The following DDX3X variants were observed in gnomAD, a reference collection of about 807,000 sequenced individuals.
The protein encoded by DDX3X is ATP-dependent RNA helicase DDX3X.
In DDX3X, 4 loss-of-function variants were observed where a neutral mutation model predicts 52.7. That is an observed-to-expected ratio of 0.08 (90% CI 0.04 to 0.17). The LOEUF is 0.17. Among genes scored for constraint, DDX3X ranks in the 10% least tolerant of loss-of-function variants. The pLI is 1.00. For missense variants in DDX3X, 222 were observed against 548.6 expected (o/e 0.40, Z 5.95); for synonymous variants, 192 against 178.1 (o/e 1.08, Z -0.62).
upstream of DDX3X, chrX:41,334,105 C>A (rs1442500606): frequency 7.6e-6 from 4 of 525,629 alleles, no homozygotes; most frequent in Non-Finnish European, 1.3e-5. Context: ...GTTGTACGTG[C>A]TGACGTAGCC....
In DDX3X at chrX:41,343,196, C is replaced by A. The variant is rs373063765; in HGVS notation, c.544-20C>A. 88 of 1,199,201 alleles carry A rather than the reference C, an allele frequency of 7.3e-5. No individual in the cohort carries two copies. Among genetic ancestry groups the A allele is most frequent in the Middle Eastern group, 4.6e-4 (2 of 4,316 alleles). On this transcript the variant is annotated intron_variant, in intron 6 of 16. Coordinates refer to ENST00000644876, the MANE Select transcript of DDX3X (RefSeq NM_001356.5). Reference sequence around the variant, plus strand: ...AATAGCTCTAGATAGCATTCCTAACCCCATTGAATTTCTTAACAGTTCAGT... The same window carrying A: ...AATAGCTCTAGATAGCATTCCTAACACCATTGAATTTCTTAACAGTTCAGT...
chrX:41,359,516 G>T (rs1387934690), intron 5 of DDX3X, among the ~76,000 whole-genome samples: 1 of 102,928 alleles, frequency 9.7e-6, no homozygotes, highest in African/African-American at 3.6e-5. Context: ...AGAATTGCTT[G>T]AACCCAGGAG....
chrX:41,350,364 A>G (rs989425856), downstream of DDX3X: 1 of 112,441 alleles, frequency 8.9e-6, no homozygotes, highest in African/African-American at 3.2e-5. Flanking sequence ...AGTATTTGCA[A>G]TGAAAGATGA....
intron 5 of DDX3X, among the ~76,000 whole-genome samples, chrX:41,359,838 C>T (rs187702633): frequency 3.7e-5 from 4 of 108,236 alleles, no homozygotes; most frequent in South Asian, 4.0e-4. Flanking sequence ...AAAAATTAGC[C>T]GGGCGCGGTG....
At chrX:41,338,943 T>G (rs1327792912) in intron 2 of DDX3X, 93 bp from the exon 3 acceptor site, 4 of 329,500 alleles carry the variant, frequency 1.2e-5, no homozygotes, top group Non-Finnish European at 1.9e-5. Flanking sequence ...GCTGGAGATT[T>G]TAATTTCCCA....
At chrX:41,334,365 G>A (rs951754839) in intron 1 of DDX3X, 68 bp downstream of exon 1, 4 of 1,175,327 alleles carry the variant, frequency 3.4e-6, no homozygotes, top group Non-Finnish European at 4.6e-6. Context: ...CCTGGCTAAT[G>A]GCGCAGCGCT....
chrX:41,341,066 A>T (rs2063843180), intron 3 of DDX3X: 1 of 191,197 alleles, frequency 5.2e-6, no homozygotes, highest in African/African-American at 3.0e-5. Context: ...GCTCACTGCA[A>T]CCTCAGCCTC....
chrX:41,334,665 A>G (rs1241568608), intron 1 of DDX3X: 1 of 1,042,965 alleles, frequency 9.6e-7, no homozygotes, highest in South Asian at 2.0e-5. Flanking sequence ...ACGCGACTGG[A>G]GGCCCTTTTG....
chrX:41,343,868 G>A, intron 8 of DDX3X, 46 bp downstream of exon 8: 1 of 1,094,692 alleles, frequency 9.1e-7, no homozygotes, highest in Non-Finnish European at 1.3e-6. Context: ...CTTTGTAGGT[G>A]GCCATTGAGA....
At chrX:41,353,721 A>G (rs775161396), downstream of DDX3X, among the ~76,000 whole-genome samples, 1 of 107,756 alleles carries the variant, frequency 9.3e-6, no homozygotes, top group Admixed American at 1.0e-4. Flanking sequence ...TAGTGAGCCA[A>G]GTTTGTGCCA....
Position 41,343,181 on chromosome X carries a change from G to C in DDX3X, c.544-35G>C, listed in dbSNP as rs765444398. ...TTAGTATAAAACAGAAATAGCTCTA[G>C]ATAGCATTCCTAACCCCATTGAATT... On this transcript the variant is annotated intron_variant, in intron 6 of 16. Transcript: ENST00000644876. 5 of 1,189,312 alleles carry C rather than the reference G, an allele frequency of 4.2e-6. No homozygotes were observed. The South Asian group carries it at 9.4e-5, about 22-fold the overall frequency.
intron 6 of DDX3X, 124 bp downstream of exon 6, chrX:41,342,960 A>G (rs776842661): frequency 3.2e-6 from 2 of 630,678 alleles, no homozygotes; most frequent in Non-Finnish European, 4.9e-6. Flanking sequence ...GTGGAAAAGG[A>G]GAAGTTGAGT....
At chrX:41,354,873 C>G (rs920408487), downstream of DDX3X, among the ~76,000 whole-genome samples, 3 of 110,088 alleles carry the variant, frequency 2.7e-5, no homozygotes, top group Admixed American at 2.9e-4. Context: ...CACTCTGTTG[C>G]CCAGGCTGGA....
chrX:41,340,061 A>G (rs891941531), intron 3 of DDX3X: 6 of 110,288 alleles, frequency 5.4e-5, no homozygotes, highest in African/African-American at 1.7e-4. Flanking sequence ...GGCATGTGCC[A>G]CCATGCCCGG....
downstream of DDX3X, among the ~76,000 whole-genome samples, chrX:41,352,187 C>A (rs1273432278): frequency 1.8e-5 from 2 of 111,521 alleles, no homozygotes; most frequent in African/African-American, 6.5e-5. Context: ...TTCCTCCCCC[C>A]TCTTCAAAGG....
chrX:41,342,818 T>C lies in DDX3X; in HGVS notation c.525T>C (p.Cys175=), dbSNP rs61755357. Residue 175 remains cysteine, a synonymous_variant, in exon 6 of 17, where the codon TGT becomes TGC. Coordinates refer to ENST00000644876, the MANE Select transcript of DDX3X (RefSeq NM_001356.5). The part of the protein sequence containing the change: ...DIPVEATGNN[C]PPHIESFSDV... ...CAGTTGAGGCAACAGGCAACAACTG[T>C]CCTCCACATATTGAAAGTGTGAGTA... The C allele has an allele frequency of 8.3e-7, 1 of 1,203,623 alleles. No individual in the cohort carries two copies. Among genetic ancestry groups the C allele is most frequent in the Admixed American group, 2.2e-5 (1 of 45,696 alleles).
At chrX:41,364,161 A>T in intron 5 of DDX3X, 1 of 290,816 alleles carries the variant, frequency 3.4e-6, no homozygotes. Flanking sequence ...AGTTCCGGTC[A>T]ATGTAGTAAT....
chrX:41,343,598 C>A, intron 7 of DDX3X, 139 bp from the exon 8 acceptor site: 1 of 580,746 alleles, frequency 1.7e-6, no homozygotes, highest in Non-Finnish European at 2.6e-6. Context: ...AGAGGTGGAG[C>A]AGAGAAGCCA....
At chrX:41,352,234 ATATTC>A (rs2063991739), downstream of DDX3X, among the ~76,000 whole-genome samples, 1 of 111,686 alleles carries the variant, frequency 9.0e-6, no homozygotes, top group African/African-American at 3.3e-5. Context: ...TGACATATCT[ATATTC>A]TAAGGCTTTC....
Sources: allele counts gnomAD v4.1 joint callset (sites outside exome capture counted in the v4.1 genomes callset), GRCh38; gene constraint gnomAD v4.1.1; transcripts MANE v1.5; gene names NCBI Gene and HGNC (gene_info 2026-07-23, HGNC 2026-07-21).